LTA4H: variants seen among roughly 807,000 people sequenced by gnomAD.
LTA4H encodes leukotriene A4 hydrolase.
LTA4H carries 59 observed loss-of-function variants against 89.8 expected under a neutral mutation model. The ratio of observed to expected loss-of-function variants is 0.66; its 90% CI spans 0.53 to 0.82. LTA4H has a LOEUF of 0.82. Among genes scored for constraint, LTA4H ranks in the 40% least tolerant of loss-of-function variants. LTA4H has a pLI of 0.00. For missense variants in LTA4H, 617 were observed against 727.0 expected (o/e 0.85, Z 1.74); for synonymous variants, 227 against 253.1 (o/e 0.90, Z 0.98).
chr12:96,035,466 C>T lies in LTA4H; in HGVS notation c.54G>A (p.Arg18=), dbSNP rs1950630317. The T allele has an allele frequency of 1.2e-6, 2 of 1,609,292 alleles. No individual in the cohort carries two copies. The highest frequency in any genetic ancestry group is 2.2e-5 in the East Asian group (1 of 44,682). ...TGCAGCGCAGGTGCAGGTGCTTGGT[C>T]CGGCAGACGGAAGCCGGAGAGGCCA... is the stretch of plus-strand genomic sequence containing the variant. ...CSLASPASVC[R]TKHLHLRCSV... is the part of the protein sequence containing the mutation. The change falls in exon 1 of 19, where the codon CGG becomes CGA. Residue 18 remains arginine, a synonymous_variant. Coordinates refer to ENST00000228740, the MANE Select transcript of LTA4H (RefSeq NM_000895.3).
At chr12:96,024,362 A>G in intron 4 of LTA4H, 117 bp downstream of exon 4, 1 of 593,638 alleles carries the variant, frequency 1.7e-6, no homozygotes, top group Non-Finnish European at 2.9e-6. Context: ...TTCAGGTAGA[A>G]TTTCATTAAG....
rs1950201933 is a variant in LTA4H, at chr12:96,006,353, A to C, written c.1491T>G (p.Ser497=). Residue 497 remains serine, a synonymous_variant, in exon 16 of 19, where the codon TCT becomes TCG. Transcript: ENST00000228740. ...GTGCTAAAAACTCATTCAATTGATG[A>C]GAAGAGAGATCCTTCAGGTCTGTGG... ...FNATDLKDLS[S]HQLNEFLAQT... is the part of the protein sequence containing the mutation. 3.7e-6 allele frequency: 6 copies of C among 1,612,078 alleles called. No individual in the cohort carries two copies. Among genetic ancestry groups the C allele is most frequent in the Non-Finnish European group, 5.1e-6 (6 of 1,179,066 alleles).
intron 16 of LTA4H, 140 bp from the exon 17 acceptor site, chr12:96,004,060 C>T: frequency 4.8e-6 from 2 of 413,524 alleles, no homozygotes; most frequent in Middle Eastern, 5.6e-4. Context: ...ATAAAAGAAA[C>T]AAATTGCACA....
chr12:96,033,822 T>C (rs961248278), intron 1 of LTA4H, among the ~76,000 whole-genome samples: 2 of 152,222 alleles, frequency 1.3e-5, no homozygotes, highest in African/African-American at 4.8e-5. Context: ...GTTTTGAAAC[T>C]GCATTGAAAT....
At position 96,015,003 on chromosome 12, in the gene LTA4H, C is replaced by A. The variant is rs11108375; in HGVS notation, c.1060-4G>T. ...GTGTCTCCCCAAATGTCTTTACCTG[C>A]AAGACATGAAATAACATGGAGAAAC... is the stretch of plus-strand genomic sequence containing the variant. On this transcript the variant is annotated splice_region_variant and splice_polypyrimidine_tract_variant and intron_variant, in intron 11 of 18. Transcript: ENST00000228740. 4 of 1,606,080 alleles carry A rather than the reference C, an allele frequency of 2.5e-6. No homozygotes were observed. The highest frequency in any genetic ancestry group is 2.2e-5 in the South Asian group (2 of 88,918).
intron 1 of LTA4H, 47 bp downstream of exon 1, chr12:96,035,314 G>T: frequency 1.3e-6 from 2 of 1,566,650 alleles, no homozygotes; most frequent in Non-Finnish European, 8.7e-7. Flanking sequence ...GGGTCGAGGG[G>T]CAGGGAGCCC....
At chr12:96,021,716 C>A (rs958954831) in intron 5 of LTA4H, among the ~76,000 whole-genome samples, 4 of 151,900 alleles carry the variant, frequency 2.6e-5, no homozygotes, top group African/African-American at 9.7e-5. Context: ...CGCATGCATA[C>A]ACATTCTGTT....
intron 14 of LTA4H, chr12:96,010,918 G>A (rs1263450569): frequency 6.6e-6 from 1 of 152,194 alleles, no homozygotes; most frequent in Non-Finnish European, 1.5e-5. Flanking sequence ...AATGATGAGA[G>A]CATTATAAAA....
At chr12:96,009,351 A>C in intron 14 of LTA4H, 2 of 546,754 alleles carry the variant, frequency 3.7e-6, no homozygotes, top group Non-Finnish European at 6.5e-6. Flanking sequence ...TGGATACCAC[A>C]TTAATGAAAC....
At position 96,002,964 on chromosome 12, in the gene LTA4H, A is replaced by G. The variant is rs1398682873; in HGVS notation, c.1714T>C (p.Phe572Leu). Residue 572 changes from phenylalanine to leucine, a missense_variant, in exon 18 of 19, where the codon TTC (phenylalanine) becomes CTC (leucine). Phe to Leu is a conservative substitution (Grantham distance 22, BLOSUM62 0). This residue lies in a region of LTA4H where 290 missense variants were observed against 339.1 expected (regional missense o/e 0.86). Transcript: ENST00000228740. ...ACGGTCTGAGTGGGTTCTTACTTGA[A>G]TAAGGGCCGGGTAAACTTCATTCTT... ...QGRMKFTRPL[F>L]KDLAAFDKSH... 1 of 1,593,830 alleles carries G rather than the reference A, an allele frequency of 6.3e-7. No homozygotes were observed. The highest frequency in any genetic ancestry group is 1.8e-5 in the Admixed American group (1 of 57,124).
At chr12:96,019,899 GTTTTTTT>G (rs748833448) in intron 6 of LTA4H, among the ~76,000 whole-genome samples, 1 of 120,930 alleles carries the variant, frequency 8.3e-6, no homozygotes, top group South Asian at 2.7e-4. Context: ...CACGCCCAGC[GTTTTTTT>G]TTTTTTTTTT....
intron 1 of LTA4H, among the ~76,000 whole-genome samples, chr12:96,040,667 T>C (rs1373906594): frequency 1.3e-5 from 2 of 152,196 alleles, no homozygotes; most frequent in African/African-American, 2.4e-5. Context: ...AGCAGCAAGG[T>C]AGAAGGAGCC....
upstream of LTA4H, among the ~76,000 whole-genome samples, chr12:96,037,584 G>C (rs1189617078): frequency 6.6e-6 from 1 of 152,016 alleles, no homozygotes; most frequent in Non-Finnish European, 1.5e-5. Context: ...AGTGGATTGA[G>C]CAATGAAGAG....
Position 96,021,072 on chromosome 12 carries a change from T to G in LTA4H, c.638+13A>C, listed in dbSNP as rs758071250. 10 of 1,599,560 alleles carry G rather than the reference T, an allele frequency of 6.3e-6. No individual in the cohort carries two copies. The highest frequency in any genetic ancestry group is 1.7e-4 in the Middle Eastern group (1 of 6,032). ...ATCTTTCCACAAACCTGAAAATTTT[T>G]CCAAAAGCTCACCTGCTTTCTAAAG... On this transcript the variant is annotated intron_variant, in intron 6 of 18. Transcript: ENST00000228740.
chr12:96,030,527 T>G (rs1204051361), intron 1 of LTA4H, among the ~76,000 whole-genome samples: 1 of 152,220 alleles, frequency 6.6e-6, no homozygotes, highest in East Asian at 1.9e-4. Flanking sequence ...GATTTCTTGA[T>G]TCTGTTAAAA....
chr12:96,032,308 A>T (rs1950582921), intron 1 of LTA4H, among the ~76,000 whole-genome samples: 1 of 152,232 alleles, frequency 6.6e-6, no homozygotes, highest in Non-Finnish European at 1.5e-5. Flanking sequence ...GGAGAGGAAA[A>T]GAAGACATGA....
intron 15 of LTA4H, among the ~76,000 whole-genome samples, chr12:96,007,632 TAC>T (rs1209478315): frequency 1.3e-5 from 2 of 152,262 alleles, no homozygotes; most frequent in African/African-American, 4.8e-5. Context: ...CATTAGTGAA[TAC>T]AGTGTCCTGA....
chr12:96,041,743 G>C (rs538798284), intron 1 of LTA4H, among the ~76,000 whole-genome samples: 1 of 152,002 alleles, frequency 6.6e-6, no homozygotes, highest in Non-Finnish European at 1.5e-5. Context: ...CCGGGTTCAC[G>C]CCATTTTCCT....
At chr12:96,007,466 A>G (rs1950221175) in intron 15 of LTA4H, among the ~76,000 whole-genome samples, 1 of 152,234 alleles carries the variant, frequency 6.6e-6, no homozygotes, top group South Asian at 2.1e-4. Flanking sequence ...ATGGGGAGGG[A>G]TGCTACAGAG....
Sources: allele counts gnomAD v4.1 joint callset (sites outside exome capture counted in the v4.1 genomes callset), GRCh38; gene constraint gnomAD v4.1.1; regional missense constraint gnomAD v4.1.1; transcripts MANE v1.5; gene names NCBI Gene and HGNC (gene_info 2026-07-23, HGNC 2026-07-21).